Variants in SOX5 observed in about 807,000 individuals in gnomAD.
The protein encoded by SOX5 is transcription factor SOX-5.
In SOX5, 9 loss-of-function variants were observed where a neutral mutation model predicts 92.0. That is an observed-to-expected ratio of 0.10 (90% CI 0.06 to 0.17). SOX5 has a LOEUF of 0.17. Ranked by LOEUF, SOX5 falls within the 10% of genes least tolerant of loss-of-function variation. The pLI, the probability that SOX5 is intolerant of heterozygous loss-of-function variation, is 1.00. For synonymous variants in SOX5, 344 were observed against 336.3 expected, an observed-to-expected ratio of 1.02 and a Z score of -0.25; for missense variants, 642 against 944.5, an observed-to-expected ratio of 0.68 and a Z score of 4.20.
chr12:24,257,688 C>G (rs904276943), intron 3 of SOX5, among the ~76,000 whole-genome samples: 3 of 151,780 alleles, frequency 2.0e-5, no homozygotes, highest in Non-Finnish European at 2.9e-5. Flanking sequence ...AGGCTGGTCT[C>G]GAACTCCTGA....
At chr12:23,699,401 T>C (rs1301258908) in intron 6 of SOX5, among the ~76,000 whole-genome samples, 1 of 152,190 alleles carries the variant, frequency 6.6e-6, no homozygotes, top group Non-Finnish European at 1.5e-5. Flanking sequence ...TCTAACCTAG[T>C]TGGAAGAAGA....
chr12:24,542,918 G>C (rs1952274667), intron 1 of SOX5, among the ~76,000 whole-genome samples: 1 of 152,120 alleles, frequency 6.6e-6, no homozygotes, highest in Non-Finnish European at 1.5e-5. Flanking sequence ...ATATATTTTG[G>C]TGTGGCTTAC....
At chr12:24,050,600 T>G (rs1342385792) in intron 4 of SOX5, among the ~76,000 whole-genome samples, 1 of 152,172 alleles carries the variant, frequency 6.6e-6, no homozygotes, top group Non-Finnish European at 1.5e-5. Flanking sequence ...TAAACAATTT[T>G]GACAGAAAAT....
intron 4 of SOX5, among the ~76,000 whole-genome samples, chr12:24,005,110 T>C (rs1217318570): frequency 6.6e-6 from 1 of 151,914 alleles, no homozygotes; most frequent in Non-Finnish European, 1.5e-5. Context: ...GCATGAGGTA[T>C]CTTTTTGAGG....
chr12:24,421,094 T>C (rs982235416), intron 1 of SOX5, among the ~76,000 whole-genome samples: 2 of 152,146 alleles, frequency 1.3e-5, no homozygotes, highest in Non-Finnish European at 2.9e-5. Flanking sequence ...TATGCATAAT[T>C]GGATTATAAA....
chr12:24,466,450 C>T (rs1463960273), intron 1 of SOX5, among the ~76,000 whole-genome samples: 1 of 152,124 alleles, frequency 6.6e-6, no homozygotes, highest in Admixed American at 6.5e-5. Flanking sequence ...CTACCCTTCC[C>T]ACTTGAAATT....
chr12:24,146,165 C>G (rs1315145346), intron 4 of SOX5, among the ~76,000 whole-genome samples: 2 of 152,110 alleles, frequency 1.3e-5, no homozygotes, highest in African/African-American at 4.8e-5. Flanking sequence ...GAACGTTCTA[C>G]CCAACAGTAG....
intron 2 of SOX5, among the ~76,000 whole-genome samples, chr12:24,350,015 G>A (rs1430395321): frequency 6.6e-6 from 1 of 152,022 alleles, no homozygotes; most frequent in African/African-American, 2.4e-5. Context: ...TCTTATTTCT[G>A]GGGCAGTTTT....
chr12:24,148,693 A>T (rs1951347030), intron 4 of SOX5, among the ~76,000 whole-genome samples: 1 of 95,310 alleles, frequency 1.0e-5, no homozygotes, highest in Admixed American at 1.1e-4. Context: ...TCTACTAAAA[A>T]AAAAAAAAAA....
chr12:23,858,996 T>G (rs2096724451), intron 2 of SOX5, among the ~76,000 whole-genome samples: 1 of 152,222 alleles, frequency 6.6e-6, no homozygotes, highest in East Asian at 1.9e-4. Context: ...CTTTAATCTC[T>G]TAATCCCATC....
chr12:24,335,535 T>A (rs1279960326), intron 2 of SOX5, among the ~76,000 whole-genome samples: 1 of 152,052 alleles, frequency 6.6e-6, no homozygotes, highest in East Asian at 1.9e-4. Context: ...TTGTTGGAGG[T>A]CCCTTATTAA....
intron 2 of SOX5, among the ~76,000 whole-genome samples, chr12:23,869,913 C>A (rs2096855277): frequency 6.6e-6 from 1 of 152,104 alleles, no homozygotes; most frequent in South Asian, 2.1e-4. Flanking sequence ...TATCCATTTT[C>A]CCCACCAGAC....
intron 3 of SOX5, among the ~76,000 whole-genome samples, chr12:23,818,822 G>C (rs1203386182): frequency 1.3e-5 from 2 of 151,488 alleles, no homozygotes; most frequent in Admixed American, 1.3e-4. Flanking sequence ...ATACATTTTT[G>C]TTAAACACTA....
At chr12:24,220,731 G>A (rs1960204983) in intron 3 of SOX5, among the ~76,000 whole-genome samples, 1 of 152,050 alleles carries the variant, frequency 6.6e-6, no homozygotes, top group African/African-American at 2.4e-5. Flanking sequence ...CTAGCATTCT[G>A]CCTGCTCTTA....
chr12:23,792,061 T>A (rs2095483669), intron 3 of SOX5, among the ~76,000 whole-genome samples: 2 of 152,042 alleles, frequency 1.3e-5, no homozygotes, highest in South Asian at 2.1e-4. Flanking sequence ...TTAAATAGTA[T>A]CTAAGTTTTC....
chr12:23,894,283 A>G (rs750130371), intron 2 of SOX5, among the ~76,000 whole-genome samples: 1 of 152,148 alleles, frequency 6.6e-6, no homozygotes, highest in Non-Finnish European at 1.5e-5. Context: ...GCTCGAGTGT[A>G]GTGGTGCGAT....
chr12:24,058,489 C>G (rs1334781173), intron 4 of SOX5, among the ~76,000 whole-genome samples: 1 of 152,072 alleles, frequency 6.6e-6, no homozygotes, highest in Non-Finnish European at 1.5e-5. Flanking sequence ...CTAGGATGCC[C>G]CACTTGTTTT....
chr12:24,313,862 A>G (rs1317855927), intron 2 of SOX5, among the ~76,000 whole-genome samples: 1 of 152,212 alleles, frequency 6.6e-6, no homozygotes, highest in Non-Finnish European at 1.5e-5. Context: ...TACTGTTTTT[A>G]AAGCTTATCT....
chr12:23,932,176 G>C (rs1209717290), intron 1 of SOX5, among the ~76,000 whole-genome samples: 2 of 151,478 alleles, frequency 1.3e-5, no homozygotes, highest in Non-Finnish European at 3.0e-5. Context: ...TCCAATACCT[G>C]TCTTAAGAGC....
Sources: gnomAD v4.1 joint callset for allele counts (sites outside exome capture counted in the v4.1 genomes callset) on GRCh38, gnomAD v4.1.1 for gene constraint, MANE v1.5 for transcripts, NCBI Gene and HGNC (gene_info 2026-07-23, HGNC 2026-07-21) for gene names.